The following RAPGEF6 variants were observed in gnomAD, a reference collection of about 807,000 sequenced individuals.
RAPGEF6 encodes PDZ domain containing guanine nucleotide exchange factor (GEF) 2.
Under a neutral mutation model 171.4 loss-of-function variants are expected in RAPGEF6, and 56 were observed. The ratio of observed to expected loss-of-function variants is 0.33; its 90% CI spans 0.26 to 0.41. The LOEUF is 0.41. RAPGEF6 is among the 10% of genes least tolerant of loss of function. The pLI is 1.00. For missense variants in RAPGEF6, 1,674 were observed against 1,921.4 expected (o/e 0.87, Z 2.41); for synonymous variants, 692 against 650.1 (o/e 1.06, Z -0.98).
intron 3 of RAPGEF6, among the ~76,000 whole-genome samples, chr5:131,600,069 T>A (rs1277062645): frequency 1.3e-5 from 2 of 152,214 alleles, no homozygotes; most frequent in Non-Finnish European, 2.9e-5. Context: ...TTTTAACAAC[T>A]TCTCTGTATG....
intron 16 of RAPGEF6, among the ~76,000 whole-genome samples, chr5:131,477,027 T>G (rs372477422): frequency 1.3e-5 from 2 of 152,206 alleles, no homozygotes; most frequent in South Asian, 4.1e-4. Flanking sequence ...ATCTGAGTCA[T>G]GTTTTCTGCC....
chr5:131,608,750 G>A (rs1764758822), intron 1 of RAPGEF6, among the ~76,000 whole-genome samples: 1 of 151,912 alleles, frequency 6.6e-6, no homozygotes, highest in Admixed American at 6.6e-5. Flanking sequence ...CCCGAGAGAG[G>A]GTTGTTAAAA....
At chr5:131,474,546 TA>T in intron 16 of RAPGEF6, among the ~76,000 whole-genome samples, 1 of 152,188 alleles carries the variant, frequency 6.6e-6, no homozygotes. Flanking sequence ...CAGGTCCGAG[TA>T]AAGGTACTAG....
At chr5:131,624,899 G>C (rs1158823288) in intron 1 of RAPGEF6, among the ~76,000 whole-genome samples, 2 of 152,204 alleles carry the variant, frequency 1.3e-5, no homozygotes, top group African/African-American at 4.8e-5. Flanking sequence ...GAGGCGGGCA[G>C]ATCACTTGAG....
intron 3 of RAPGEF6, among the ~76,000 whole-genome samples, chr5:131,602,948 T>A (rs1193711107): frequency 6.6e-6 from 1 of 152,212 alleles, no homozygotes; most frequent in Non-Finnish European, 1.5e-5. Flanking sequence ...ATTCTCTCTA[T>A]ACCAAGTTCA....
chr5:131,524,133 A>G (rs1758699511), intron 6 of RAPGEF6, among the ~76,000 whole-genome samples: 1 of 152,216 alleles, frequency 6.6e-6, no homozygotes, highest in African/African-American at 2.4e-5. Context: ...CAATGAATAA[A>G]ATCCACTGGG....
chr5:131,449,910 G>T, intron 21 of RAPGEF6: 1 of 1,173,342 alleles, frequency 8.5e-7, no homozygotes, highest in Non-Finnish European at 1.2e-6. Flanking sequence ...AATGTAGGCT[G>T]ACAGGGTTAA....
intron 1 of RAPGEF6, among the ~76,000 whole-genome samples, chr5:131,614,296 A>AAAG (rs1765135350): frequency 6.7e-6 from 1 of 148,332 alleles, no homozygotes; most frequent in Non-Finnish European, 1.5e-5. Context: ...AAAAAAAAAA[A>AAAG]AAAAAAGAAA....
chr5:131,479,773 G>C lies in RAPGEF6; in HGVS notation c.1841-20C>G. 1 of 1,598,218 alleles carries C rather than the reference G, an allele frequency of 6.3e-7. No individual in the cohort carries two copies. Among genetic ancestry groups the C allele is most frequent in the Non-Finnish European group, 8.5e-7 (1 of 1,172,904 alleles). ...TGAACACTGTGGAAATAAAACAAAT[G>C]CGTCATTTTATTTCTTCTCTTCAGA... On this transcript the variant is annotated intron_variant, in intron 15 of 27. Transcript: ENST00000509018.
At chr5:131,467,685 T>G (rs1482739360) in intron 17 of RAPGEF6, among the ~76,000 whole-genome samples, 1 of 152,186 alleles carries the variant, frequency 6.6e-6, no homozygotes, top group Non-Finnish European at 1.5e-5. Context: ...GGCACAAATC[T>G]AAAATGCAGA....
At chr5:131,583,040 C>A (rs1763057103) in intron 4 of RAPGEF6, among the ~76,000 whole-genome samples, 1 of 152,184 alleles carries the variant, frequency 6.6e-6, no homozygotes. Flanking sequence ...ACCTTGTACA[C>A]AAATGTCCAT....
chr5:131,546,983 G>C (rs1760589145), intron 6 of RAPGEF6, among the ~76,000 whole-genome samples: 1 of 152,174 alleles, frequency 6.6e-6, no homozygotes. Context: ...ACCTTAATTA[G>C]TGATGGGAAA....
At chr5:131,572,410 C>T (rs1762358941) in intron 4 of RAPGEF6, among the ~76,000 whole-genome samples, 1 of 152,166 alleles carries the variant, frequency 6.6e-6, no homozygotes, top group African/African-American at 2.4e-5. Flanking sequence ...CTCTCCCTTC[C>T]AGGTAGAGAC....
intron 4 of RAPGEF6, among the ~76,000 whole-genome samples, chr5:131,587,195 G>C (rs775621713): frequency 1.3e-5 from 2 of 152,166 alleles, no homozygotes; most frequent in Non-Finnish European, 2.9e-5. Context: ...GCTCTTAGCT[G>C]AACTAAAAGG....
In RAPGEF6 at chr5:131,456,029, T is replaced by C. The variant is rs555830461; in HGVS notation, c.2865-17A>G. The C allele has an allele frequency of 3.2e-5, 52 of 1,606,360 alleles. 1 individual carries two copies. Among genetic ancestry groups the C allele is most frequent in the South Asian group, 3.1e-4 (28 of 90,514 alleles). ...TTCAAGCCACTGCCAAAGATGAGAA[T>C]AGAAACATTAAAAAGAAACTTGGGG... On this transcript the variant is annotated splice_polypyrimidine_tract_variant and intron_variant, in intron 19 of 27. Transcript: ENST00000509018.
chr5:131,507,282 T>G (rs1757434879), intron 9 of RAPGEF6, among the ~76,000 whole-genome samples: 1 of 150,876 alleles, frequency 6.6e-6, no homozygotes, highest in African/African-American at 2.4e-5. Context: ...CCTTTTGAAA[T>G]AACTCTTTGA....
At chr5:131,557,281 T>C (rs964481167) in intron 5 of RAPGEF6, among the ~76,000 whole-genome samples, 1 of 152,220 alleles carries the variant, frequency 6.6e-6, no homozygotes, top group Non-Finnish European at 1.5e-5. Context: ...TAAGGTTTTC[T>C]GTGTAAAGGT....
chr5:131,583,755 C>G lies in RAPGEF6; in HGVS notation c.281+8628G>C, dbSNP rs564108134. On this transcript the variant is annotated intron_variant, in intron 4 of 27. Transcript: ENST00000509018. ...AGGCTTCCTGAATTTGTCTTTTCCC[C>G]TGGCCATGGTTATTCATACTGGCTC... is the stretch of plus-strand genomic sequence containing the variant. Among the ~76,000 whole-genome samples the G allele has an allele frequency of 3.9e-5, 6 of 152,326 alleles. No homozygotes were observed. In the South Asian group the frequency reaches 1.2e-3, roughly 32 times the overall value.
chr5:131,474,524 A>G (rs1165414862), intron 16 of RAPGEF6, among the ~76,000 whole-genome samples: 9 of 152,214 alleles, frequency 5.9e-5, no homozygotes, highest in Admixed American at 5.9e-4. Context: ...AGTTTATATT[A>G]AAAAGTAGAG....
Sources: allele counts gnomAD v4.1 joint callset (sites outside exome capture counted in the v4.1 genomes callset), GRCh38; gene constraint gnomAD v4.1.1; transcripts MANE v1.5; gene names NCBI Gene and HGNC (gene_info 2026-07-23, HGNC 2026-07-21).